The following CNTNAP2 variants were observed in gnomAD, a reference collection of about 807,000 sequenced individuals.
The protein encoded by CNTNAP2 is contactin-associated protein-like 2.
CNTNAP2 carries 98 observed loss-of-function variants against 155.2 expected under a neutral mutation model. That is an observed-to-expected ratio of 0.63 (90% confidence interval 0.54 to 0.75). CNTNAP2 has a LOEUF of 0.75. CNTNAP2 is among the 30% of genes least tolerant of loss of function. The pLI is 0.00. For synonymous variants in CNTNAP2, 651 were observed against 631.2 expected (o/e 1.03, Z -0.47); for missense variants, 1,727 against 1,688.1 (o/e 1.02, Z -0.40).
At chr7:146,343,907 A>G (rs1179173630) in intron 1 of CNTNAP2, among the ~76,000 whole-genome samples, 2 of 152,122 alleles carry the variant, frequency 1.3e-5, no homozygotes, top group Admixed American at 6.5e-5. Context: ...TTTTAAATAA[A>G]TTGTACAGTA....
intron 9 of CNTNAP2, among the ~76,000 whole-genome samples, chr7:147,352,900 TA>T (rs1795990723): frequency 6.6e-6 from 1 of 151,890 alleles, no homozygotes; most frequent in African/African-American, 2.4e-5. Context: ...AATATTAGTT[TA>T]TGAATCTGAT....
At chr7:146,631,484 G>A (rs1234211991) in intron 1 of CNTNAP2, among the ~76,000 whole-genome samples, 1 of 152,074 alleles carries the variant, frequency 6.6e-6, no homozygotes, top group Non-Finnish European at 1.5e-5. Context: ...TCTGTCCCAA[G>A]GTAAATCTAC....
At chr7:148,157,466 T>A (rs1328794811) in intron 17 of CNTNAP2, among the ~76,000 whole-genome samples, 4 of 151,854 alleles carry the variant, frequency 2.6e-5, no homozygotes, top group Non-Finnish European at 1.5e-5. Flanking sequence ...TTATAAACTT[T>A]CTCCAGAATT....
intron 15 of CNTNAP2, among the ~76,000 whole-genome samples, chr7:148,070,366 T>C (rs1758617171): frequency 6.6e-6 from 1 of 152,270 alleles, no homozygotes; most frequent in Non-Finnish European, 1.5e-5. Flanking sequence ...AGCAAACCTC[T>C]GTTAATAACT....
chr7:146,516,325 T>C (rs1037988982), intron 1 of CNTNAP2, among the ~76,000 whole-genome samples: 1 of 152,078 alleles, frequency 6.6e-6, no homozygotes, highest in African/African-American at 2.4e-5. Context: ...GATTCATGCA[T>C]TGGTACACAC....
chr7:147,665,034 G>C (rs1451074085), intron 13 of CNTNAP2, among the ~76,000 whole-genome samples: 1 of 152,136 alleles, frequency 6.6e-6, no homozygotes, highest in African/African-American at 2.4e-5. Context: ...AGTTGTAGAT[G>C]CAAAGTTTGA....
chr7:146,194,690 A>G (rs1016629224), intron 1 of CNTNAP2, among the ~76,000 whole-genome samples: 2 of 152,040 alleles, frequency 1.3e-5, no homozygotes, highest in African/African-American at 4.8e-5. Context: ...AATGAGCTTT[A>G]TTTATGTGGA....
intron 13 of CNTNAP2, among the ~76,000 whole-genome samples, chr7:147,701,082 G>T (rs1258561628): frequency 6.6e-6 from 1 of 152,130 alleles, no homozygotes; most frequent in African/African-American, 2.4e-5. Context: ...TGGATTTTTT[G>T]TAGTTCTCTT....
chr7:146,620,944 T>G (rs777234742), intron 1 of CNTNAP2, among the ~76,000 whole-genome samples: 42 of 152,228 alleles, frequency 2.8e-4, no homozygotes, highest in Admixed American at 5.9e-4. Flanking sequence ...AATTGGGAAT[T>G]ATAAAATTTG....
chr7:147,619,985 G>A (rs904768723), intron 12 of CNTNAP2, among the ~76,000 whole-genome samples: 13 of 152,324 alleles, frequency 8.5e-5, no homozygotes, highest in African/African-American at 3.1e-4. Flanking sequence ...AGAACAGAGA[G>A]AGACACTCTA....
At chr7:147,070,143 C>CTTTTT (rs1799862059) in intron 4 of CNTNAP2, among the ~76,000 whole-genome samples, 1 of 152,028 alleles carries the variant, frequency 6.6e-6, no homozygotes, top group Non-Finnish European at 1.5e-5. Context: ...CAGTACTATG[C>CTTTTT]TTTTTACATA....
chr7:146,483,912 A>T (rs1256135350), intron 1 of CNTNAP2, among the ~76,000 whole-genome samples: 1 of 152,128 alleles, frequency 6.6e-6, no homozygotes, highest in Non-Finnish European at 1.5e-5. Flanking sequence ...TAGTGTTTAT[A>T]AAGTCTATAG....
At chr7:147,047,105 CTTTTTTT>C (rs34699998) in intron 4 of CNTNAP2, among the ~76,000 whole-genome samples, 1 of 99,806 alleles carries the variant, frequency 1.0e-5, no homozygotes, top group Non-Finnish European at 2.0e-5. Flanking sequence ...AGTTATGTTT[CTTTTTTT>C]TTTTTTTTTT....
At chr7:147,527,704 G>C (rs1799353191) in intron 11 of CNTNAP2, among the ~76,000 whole-genome samples, 2 of 152,140 alleles carry the variant, frequency 1.3e-5, no homozygotes, top group African/African-American at 4.8e-5. Context: ...CACTAGGGAG[G>C]GGCAGATGTG....
intron 9 of CNTNAP2, among the ~76,000 whole-genome samples, chr7:147,301,825 G>A (rs1333893201): frequency 6.6e-6 from 1 of 152,086 alleles, no homozygotes; most frequent in Admixed American, 6.6e-5. Flanking sequence ...ATTGTCTAGA[G>A]AGGAAACAGA....
intron 1 of CNTNAP2, among the ~76,000 whole-genome samples, chr7:146,661,412 C>T (rs1025974450): frequency 1.3e-5 from 2 of 152,078 alleles, no homozygotes; most frequent in African/African-American, 4.8e-5. Context: ...AAAGGACCCC[C>T]ATGCTCCGAT....
At chr7:147,827,256 C>T (rs1292251805) in intron 13 of CNTNAP2, among the ~76,000 whole-genome samples, 1 of 152,080 alleles carries the variant, frequency 6.6e-6, no homozygotes, top group Non-Finnish European at 1.5e-5. Flanking sequence ...CTGTTTGCCC[C>T]AAGCAGATGG....
At chr7:147,261,046 T>C (rs1804453917) in intron 8 of CNTNAP2, among the ~76,000 whole-genome samples, 1 of 152,182 alleles carries the variant, frequency 6.6e-6, no homozygotes. Flanking sequence ...CATTTTACAG[T>C]CTCTGGCAAT....
intron 1 of CNTNAP2, among the ~76,000 whole-genome samples, chr7:146,354,174 G>T (rs560574168): frequency 6.6e-6 from 1 of 151,976 alleles, no homozygotes; most frequent in Non-Finnish European, 1.5e-5. Context: ...TTCATTTTTC[G>T]CTACTTACCA....
Sources: gnomAD v4.1 joint callset for allele counts (sites outside exome capture counted in the v4.1 genomes callset) on GRCh38, gnomAD v4.1.1 for gene constraint, MANE v1.5 for transcripts, NCBI Gene and HGNC (gene_info 2026-07-23, HGNC 2026-07-21) for gene names.